MARCHF6: variants seen among roughly 807,000 people sequenced by gnomAD.
MARCHF6 encodes the protein E3 ubiquitin-protein ligase MARCHF6.
In MARCHF6, 31 loss-of-function variants were observed where a neutral mutation model predicts 133.7. That is an observed-to-expected ratio of 0.23 (90% CI 0.17 to 0.31). MARCHF6 has a LOEUF of 0.31. Among genes scored for constraint, MARCHF6 ranks in the 10% least tolerant of loss-of-function variants. The probability of loss-of-function intolerance (pLI) is 1.00; values close to 1 mark genes in which losing one functional copy is unlikely to be tolerated. For synonymous variants in MARCHF6, 395 were observed against 402.5 expected, an observed-to-expected ratio of 0.98 and a Z score of 0.22; for missense variants, 723 against 1,121.6, an observed-to-expected ratio of 0.64 and a Z score of 5.08.
At chr5:10,407,060 A>G in intron 16 of MARCHF6, 42 bp from the exon 17 acceptor site, 2 of 1,121,258 alleles carry the variant, frequency 1.8e-6, no homozygotes, top group Non-Finnish European at 2.7e-6. Context: ...CACAGGAGTG[A>G]TTGACTCTTA....
rs1172756474 is a variant in MARCHF6 at position 10,438,848 on chromosome 5, A to G, written c.*5164A>G. 1 of 152,194 alleles carries G rather than the reference A, an allele frequency of 6.6e-6. No individual in the cohort carries two copies. The highest frequency in any genetic ancestry group is 1.5e-5 in the Non-Finnish European group (1 of 68,030). 9.4% of individuals were successfully genotyped at this position (152,194 alleles called of 1,614,324 possible). ...TTTGGTATATGTAGGTCCCCCTGCCATTACTCTTTCAGCCTTCTGCAATCT... is the reference window on the plus strand; with the variant it reads ...TTTGGTATATGTAGGTCCCCCTGCCGTTACTCTTTCAGCCTTCTGCAATCT... On this transcript the variant is annotated 3_prime_UTR_variant, in exon 26 of 26. Transcript: ENST00000274140.
chr5:10,436,613 G>C lies in MARCHF6; in HGVS notation c.*2929G>C, dbSNP rs1740665078. On this transcript the variant is annotated 3_prime_UTR_variant, in exon 26 of 26. Coordinates refer to ENST00000274140, the MANE Select transcript of MARCHF6 (RefSeq NM_005885.4). Reference sequence around the variant, plus strand: ...TATATAGAAGACAAATCAGCATTTGGTGATAGTTTTACATGACCAGTTATC... The same window carrying C: ...TATATAGAAGACAAATCAGCATTTGCTGATAGTTTTACATGACCAGTTATC... 6.6e-6 allele frequency: 1 copy of C among 152,048 alleles called. No homozygotes were observed. The highest frequency in any genetic ancestry group is 2.4e-5 in the African/African-American group (1 of 41,394). The allele number at this position is 152,048 out of a possible 1,614,324, so 9.4% of individuals were successfully genotyped here. A position where few individuals can be genotyped will look rare whatever the true frequency, so the allele number is the denominator to read the frequency against.
rs541517852 is a variant in MARCHF6 at position 10,411,775 on chromosome 5, G to A, written c.1896+238G>A. ...CTATTTAAGAGGAAAAGACTCTAGA[G>A]TAATTAAGAAACTAACATTATTGAT... On this transcript the variant is annotated intron_variant, in intron 19 of 25. Coordinates refer to ENST00000274140, the MANE Select transcript of MARCHF6 (RefSeq NM_005885.4). Among the ~76,000 whole-genome samples, 7 of 152,324 alleles carry A rather than the reference G, an allele frequency of 4.6e-5. No individual in the cohort carries two copies. The East Asian group carries it at 1.3e-3, about 29-fold the overall frequency.
At chr5:10,416,081 A>G (rs1739485143) in intron 21 of MARCHF6, among the ~76,000 whole-genome samples, 1 of 152,184 alleles carries the variant, frequency 6.6e-6, no homozygotes, top group Non-Finnish European at 1.5e-5. Context: ...ATACACGTGC[A>G]TGCACACACC....
intron 1 of MARCHF6, among the ~76,000 whole-genome samples, chr5:10,374,601 T>A (rs1285433623): frequency 1.3e-5 from 2 of 152,214 alleles, no homozygotes; most frequent in African/African-American, 4.8e-5. Context: ...CCGCTAGGAC[T>A]CAAATTCTGG....
chr5:10,391,418 C>T, intron 6 of MARCHF6, 124 bp from the exon 7 acceptor site: 1 of 659,648 alleles, frequency 1.5e-6, no homozygotes, highest in African/African-American at 1.9e-5. Flanking sequence ...CAGGCATGAG[C>T]CACTACACCT....
chr5:10,381,709 T>C (rs1579551657), intron 3 of MARCHF6, 91 bp from the exon 4 acceptor site: 2 of 990,354 alleles, frequency 2.0e-6, no homozygotes, highest in East Asian at 2.7e-5. Flanking sequence ...AAGGCAAATA[T>C]TGGAAGTTTA....
intron 1 of MARCHF6, among the ~76,000 whole-genome samples, chr5:10,363,695 A>G (rs977985113): frequency 2.6e-5 from 4 of 152,234 alleles, no homozygotes; most frequent in African/African-American, 9.6e-5. Context: ...ATAATAGCCA[A>G]ATAGAAACAA....
intron 1 of MARCHF6, among the ~76,000 whole-genome samples, chr5:10,356,277 T>A (rs1420185086): frequency 1.3e-5 from 2 of 151,672 alleles, no homozygotes; most frequent in Non-Finnish European, 2.9e-5. Flanking sequence ...AACATAAAAC[T>A]AAATTAAAAA....
intron 10 of MARCHF6, among the ~76,000 whole-genome samples, chr5:10,398,049 G>A (rs191637373): frequency 4.6e-5 from 7 of 152,304 alleles, no homozygotes; most frequent in Middle Eastern, 3.4e-3. Flanking sequence ...GGGTGAGGAC[G>A]TAGAGTCTGA....
intron 10 of MARCHF6, among the ~76,000 whole-genome samples, chr5:10,398,490 T>C (rs893386942): frequency 6.6e-6 from 1 of 152,228 alleles, no homozygotes; most frequent in African/African-American, 2.4e-5. Context: ...TTTGTTCCCT[T>C]TACATGTGGG....
chr5:10,382,885 G>C (rs530165054), intron 4 of MARCHF6, among the ~76,000 whole-genome samples: 2 of 152,090 alleles, frequency 1.3e-5, no homozygotes, highest in Admixed American at 6.6e-5. Flanking sequence ...AAATAATTGG[G>C]AGGCTTATCT....
intron 1 of MARCHF6, among the ~76,000 whole-genome samples, chr5:10,376,034 C>T (rs558178372): frequency 1.3e-5 from 2 of 152,182 alleles, no homozygotes; most frequent in Non-Finnish European, 2.9e-5. Context: ...AAACAGGCCA[C>T]TCGGCTCTAC....
At position 10,378,748 on chromosome 5, in the gene MARCHF6, T is replaced by C. The variant is rs747358945; in HGVS notation, c.117-11T>C. The C allele has an allele frequency of 2.6e-6, 4 of 1,529,018 alleles. No individual in the cohort carries two copies. The highest frequency in any genetic ancestry group is 3.6e-6 in the Non-Finnish European group (4 of 1,105,804). 94.7% of individuals were successfully genotyped at this position (1,529,018 alleles called of 1,614,324 possible). A position where few individuals can be genotyped will look rare whatever the true frequency, so the allele number is the denominator to read the frequency against. ...TAAACACTGTACTTATGAATCTATT[T>C]ATAATTACAGCTTAGTTCAATGGCT... On this transcript the variant is annotated splice_polypyrimidine_tract_variant and intron_variant, in intron 2 of 25. Coordinates refer to ENST00000274140, the MANE Select transcript of MARCHF6 (RefSeq NM_005885.4).
intron 1 of MARCHF6, among the ~76,000 whole-genome samples, chr5:10,362,410 G>GT (rs1184799446): frequency 1.3e-5 from 2 of 152,176 alleles, no homozygotes; most frequent in Non-Finnish European, 2.9e-5. Context: ...TAGAGTAGTG[G>GT]TTTTCAAAGC....
intron 19 of MARCHF6, 46 bp downstream of exon 19, chr5:10,411,583 T>A (rs1221078578): frequency 6.6e-7 from 1 of 1,511,686 alleles, no homozygotes; most frequent in African/African-American, 1.4e-5. Context: ...TTTTTTGGTT[T>A]TTTTGTTCTC....
In MARCHF6 at chr5:10,404,031, C is replaced by CTTTA. The variant is rs36021721; in HGVS notation, c.1332+535_1332+538dup. 5.4e-3 allele frequency among the ~76,000 whole-genome samples: 769 copies of CTTTA among 143,438 alleles called. 8 individuals carry two copies. Among genetic ancestry groups the CTTTA allele is most frequent in the African/African-American group, 0.018 (705 of 38,776 alleles). 94.1% of individuals were successfully genotyped at this position (143,438 alleles called of 152,430 possible). A position where few individuals can be genotyped will look rare whatever the true frequency, so the allele number is the denominator to read the frequency against. Reference sequence around the variant, plus strand: ...CCAGTTCACTGGCCTGATGGATTACCTTTATTTATTTATTTATTTATTTAT... The same window carrying CTTTA: ...CCAGTTCACTGGCCTGATGGATTACCTTTATTTATTTATTTATTTATTTATTTAT... On this transcript the variant is annotated intron_variant, in intron 15 of 25. Transcript: ENST00000274140.
chr5:10,365,958 T>C (rs1485961140), intron 1 of MARCHF6, among the ~76,000 whole-genome samples: 1 of 151,818 alleles, frequency 6.6e-6, no homozygotes, highest in East Asian at 1.9e-4. Context: ...TTTTTTTTTG[T>C]TTTTTGGTCT....
intron 1 of MARCHF6, among the ~76,000 whole-genome samples, chr5:10,365,157 A>T (rs1736065660): frequency 6.6e-6 from 1 of 152,034 alleles, no homozygotes; most frequent in Admixed American, 6.6e-5. Flanking sequence ...CTCTAACTTA[A>T]GCCTAGTTGG....
Sources: allele counts gnomAD v4.1 joint callset (sites outside exome capture counted in the v4.1 genomes callset), GRCh38; gene constraint gnomAD v4.1.1; transcripts MANE v1.5; gene names NCBI Gene and HGNC (gene_info 2026-07-23, HGNC 2026-07-21).